The following LRRC69 variants were observed in gnomAD, a reference collection of about 807,000 sequenced individuals.
LRRC69 encodes the protein leucine-rich repeat-containing protein 69.
In LRRC69, 42 loss-of-function variants were observed where a neutral mutation model predicts 37.8. The observed-to-expected ratio is 1.11, with a 90% CI of 0.87 to 1.44. The LOEUF (loss-of-function observed/expected upper bound fraction) is 1.44, where lower values mean the gene tolerates loss of function less well. LRRC69 is among the 40% of genes most tolerant of loss of function. The pLI is 0.00. For synonymous variants in LRRC69, 141 were observed against 143.1 expected (o/e 0.99, Z 0.11); for missense variants, 357 against 401.9 (o/e 0.89, Z 0.96).
At chr8:91,131,758 G>A (rs1424119260) in intron 3 of LRRC69, among the ~76,000 whole-genome samples, 1 of 151,866 alleles carries the variant, frequency 6.6e-6, no homozygotes, top group Non-Finnish European at 1.5e-5. Context: ...TTGTTTGTTA[G>A]TTTGGATTAT....
intron 3 of LRRC69, chr8:91,130,462 A>G (rs950094929): frequency 6.6e-6 from 1 of 151,808 alleles, no homozygotes; most frequent in African/African-American, 2.4e-5. Context: ...TTTAGTAGAG[A>G]TGGGGTTTCG....
At chr8:91,142,098 T>C (rs1171716387) in intron 5 of LRRC69, among the ~76,000 whole-genome samples, 4 of 152,034 alleles carry the variant, frequency 2.6e-5, no homozygotes, top group African/African-American at 9.6e-5. Flanking sequence ...ACAGGTCTTC[T>C]TTCTCTAGCT....
chr8:91,132,484 A>C (rs1813824838), intron 3 of LRRC69, among the ~76,000 whole-genome samples: 1 of 152,030 alleles, frequency 6.6e-6, no homozygotes, highest in Admixed American at 6.6e-5. Flanking sequence ...CCAAATTCAA[A>C]ATGTCAGTTC....
chr8:91,108,546 T>A (rs1312637810), intron 1 of LRRC69, among the ~76,000 whole-genome samples: 1 of 152,000 alleles, frequency 6.6e-6, no homozygotes, highest in African/African-American at 2.4e-5. Context: ...ACAAGTCTTG[T>A]GCTATGAGAG....
At chr8:91,142,731 A>ACAGGTCC (rs1475831473) in intron 5 of LRRC69, among the ~76,000 whole-genome samples, 1 of 152,036 alleles carries the variant, frequency 6.6e-6, no homozygotes, top group African/African-American at 2.4e-5. Context: ...AAATGATGGA[A>ACAGGTCC]CAGTGGCAGA....
chr8:91,206,411 G>A (rs574210731), intron 7 of LRRC69, among the ~76,000 whole-genome samples: 2 of 152,276 alleles, frequency 1.3e-5, no homozygotes, highest in South Asian at 4.1e-4. Context: ...GGATAGAAAT[G>A]TATGTTGGTC....
chr8:91,210,403 C>T (rs1382441182), intron 7 of LRRC69, among the ~76,000 whole-genome samples: 1 of 152,090 alleles, frequency 6.6e-6, no homozygotes, highest in Non-Finnish European at 1.5e-5. Flanking sequence ...CCATTACTCC[C>T]AATAGCTATC....
chr8:91,117,758 C>T (rs1813537024), intron 1 of LRRC69, among the ~76,000 whole-genome samples: 1 of 151,628 alleles, frequency 6.6e-6, no homozygotes, highest in Admixed American at 6.6e-5. Flanking sequence ...CCATGTTAGG[C>T]TGCATAATAG....
At chr8:91,215,669 G>A (rs528130152) in intron 7 of LRRC69, among the ~76,000 whole-genome samples, 1 of 152,094 alleles carries the variant, frequency 6.6e-6, no homozygotes, top group Non-Finnish European at 1.5e-5. Context: ...TATAATCACA[G>A]ACCAACTCCT....
At chr8:91,195,754 G>T (rs1044576809) in intron 6 of LRRC69, among the ~76,000 whole-genome samples, 2 of 151,958 alleles carry the variant, frequency 1.3e-5, no homozygotes, top group African/African-American at 4.8e-5. Flanking sequence ...ACGTGAGATG[G>T]GTTTCCTGAA....
At chr8:91,148,613 G>A (rs28819839) in intron 5 of LRRC69, among the ~76,000 whole-genome samples, 4,602 of 152,028 alleles carry the variant, frequency 0.03, 223 homozygotes, top group African/African-American at 0.1. Flanking sequence ...TGGGATGGCT[G>A]GGTCAAATGG....
chr8:91,189,709 A>C, intron 6 of LRRC69, 86 bp downstream of exon 6: 1 of 876,308 alleles, frequency 1.1e-6, no homozygotes, highest in Non-Finnish European at 1.7e-6. Context: ...CATTCTTGCC[A>C]AGCCAGCAAA....
At chr8:91,156,039 T>C (rs544564268) in intron 5 of LRRC69, among the ~76,000 whole-genome samples, 1 of 149,964 alleles carries the variant, frequency 6.7e-6, no homozygotes, top group East Asian at 2.0e-4. Flanking sequence ...AGATGTTTCT[T>C]TGATATACTG....
At chr8:91,172,745 C>T (rs906827301) in intron 5 of LRRC69, among the ~76,000 whole-genome samples, 1 of 152,036 alleles carries the variant, frequency 6.6e-6, no homozygotes, top group African/African-American at 2.4e-5. Context: ...GAATTCCTGA[C>T]CTCGTGATCA....
Position 91,129,970 on chromosome 8 carries a change from AACTATTCAATGCATTTTGT to A in LRRC69, c.383+2829_383+2847del, listed in dbSNP as rs1241397583. Among the ~76,000 whole-genome samples the A allele has an allele frequency of 7.2e-5, 11 of 152,036 alleles. 1 individual carries two copies. Among genetic ancestry groups the A allele is most frequent in the Non-Finnish European group, 1.2e-4 (8 of 68,030 alleles). On this transcript the variant is annotated intron_variant, in intron 3 of 7. Coordinates refer to ENST00000448384, the Ensembl canonical transcript of LRRC69. ...TTTCTGCTGAATAAAAATTACATAA[AACTATTCAATGCATTTTGT>A]ACTATTCAATGCATTTTGACAAATG...
intron 6 of LRRC69, among the ~76,000 whole-genome samples, chr8:91,192,071 C>T (rs1021151802): frequency 1.4e-5 from 2 of 147,408 alleles, no homozygotes; most frequent in Non-Finnish European, 3.0e-5. Flanking sequence ...GTTCAATTCC[C>T]ACCTATGAGT....
chr8:91,211,595 A>AAT (rs144378729), intron 7 of LRRC69, among the ~76,000 whole-genome samples: 26,846 of 140,152 alleles, frequency 0.19, 3,223 homozygotes, highest in South Asian at 0.34. Flanking sequence ...CAATTATACA[A>AAT]ATATATATAT....
chr8:91,180,429 A>G (rs962821911), intron 5 of LRRC69, among the ~76,000 whole-genome samples: 1 of 151,804 alleles, frequency 6.6e-6, no homozygotes, highest in African/African-American at 2.4e-5. Context: ...CAAAGAAGAG[A>G]GAATAAGCAG....
intron 5 of LRRC69, among the ~76,000 whole-genome samples, chr8:91,148,116 T>A (rs1479157893): frequency 6.6e-6 from 1 of 151,712 alleles, no homozygotes; most frequent in African/African-American, 2.4e-5. Flanking sequence ...AGTTTTAGGG[T>A]ACATGTACAC....
Sources: allele counts gnomAD v4.1 joint callset (sites outside exome capture counted in the v4.1 genomes callset), GRCh38; gene constraint gnomAD v4.1.1; transcripts MANE v1.5; gene names NCBI Gene and HGNC (gene_info 2026-07-23, HGNC 2026-07-21).